Variants in DOCK1 observed in about 807,000 individuals in gnomAD.
DOCK1 encodes the protein dedicator of cytokinesis 1, also known as dedicator of cytokinesis protein 1.
In DOCK1, 138 loss-of-function variants were observed where a neutral mutation model predicts 262.7. That is an observed-to-expected ratio of 0.53 (90% CI 0.46 to 0.61). DOCK1 has a LOEUF of 0.61. DOCK1 is among the 20% of genes least tolerant of loss of function. The pLI, the probability that DOCK1 is intolerant of heterozygous loss-of-function variation, is 0.00. For synonymous variants in DOCK1, 866 were observed against 867.4 expected (o/e 1.00, Z 0.03); for missense variants, 1,908 against 2,370.7 (o/e 0.80, Z 4.05).
intron 25 of DOCK1, among the ~76,000 whole-genome samples, chr10:127,119,608 T>G (rs181824187): frequency 6.6e-6 from 1 of 152,350 alleles, no homozygotes; most frequent in African/African-American, 2.4e-5. Context: ...CTATACAAGA[T>G]GAATAGCAAA....
chr10:127,293,840 T>G (rs184211098), intron 29 of DOCK1, among the ~76,000 whole-genome samples: 4 of 152,330 alleles, frequency 2.6e-5, no homozygotes, highest in African/African-American at 7.2e-5. Flanking sequence ...AGACTCTTCA[T>G]TGTAAAAAGC....
At chr10:127,316,521 G>A (rs1297353085) in intron 29 of DOCK1, among the ~76,000 whole-genome samples, 2 of 152,058 alleles carry the variant, frequency 1.3e-5, no homozygotes, top group African/African-American at 2.4e-5. Context: ...ATTCTGAATC[G>A]ACTACTAAAA....
chr10:127,193,321 A>G (rs2056880055), intron 27 of DOCK1, among the ~76,000 whole-genome samples: 1 of 152,190 alleles, frequency 6.6e-6, no homozygotes. Flanking sequence ...TCAAGTATGT[A>G]GAATTTGCCT....
chr10:127,307,194 T>C (rs1409879735), intron 29 of DOCK1, among the ~76,000 whole-genome samples: 16 of 152,240 alleles, frequency 1.1e-4, no homozygotes, highest in Admixed American at 1.0e-3. Context: ...GTCTTCTGTG[T>C]TGACAGCTGT....
intron 27 of DOCK1, among the ~76,000 whole-genome samples, chr10:127,190,125 C>G (rs891835813): frequency 3.9e-5 from 6 of 152,190 alleles, no homozygotes; most frequent in African/African-American, 1.2e-4. Context: ...TTCTTTTACC[C>G]TAATACTAGG....
At chr10:127,109,147 A>G (rs2048717953) in intron 24 of DOCK1, among the ~76,000 whole-genome samples, 1 of 152,094 alleles carries the variant, frequency 6.6e-6, no homozygotes, top group South Asian at 2.1e-4. Flanking sequence ...GATTTTATCT[A>G]CTCGTCCCCC....
At chr10:127,280,887 A>G (rs117398912) in intron 29 of DOCK1, among the ~76,000 whole-genome samples, 1,613 of 152,324 alleles carry the variant, frequency 0.011, 43 homozygotes, top group Non-Finnish European at 0.011. Flanking sequence ...CATTGGTAAA[A>G]TAGTGCAAAG....
chr10:127,284,442 GTAT>G (rs2061075334), intron 29 of DOCK1, among the ~76,000 whole-genome samples: 1 of 151,920 alleles, frequency 6.6e-6, no homozygotes, highest in African/African-American at 2.4e-5. Flanking sequence ...TTAATGCTTT[GTAT>G]TAAATGCATG....
intron 31 of DOCK1, among the ~76,000 whole-genome samples, chr10:127,353,831 T>C (rs937177764): frequency 6.6e-6 from 1 of 152,078 alleles, no homozygotes; most frequent in African/African-American, 2.4e-5. Context: ...CTGGCCGCGG[T>C]TGTTGATTTA....
chr10:127,368,188 C>T (rs779633165), intron 33 of DOCK1, among the ~76,000 whole-genome samples: 15 of 152,200 alleles, frequency 9.9e-5, no homozygotes, highest in Non-Finnish European at 1.9e-4. Flanking sequence ...CACCACCTCC[C>T]CAGAGCCAGC....
chr10:127,342,201 T>C (rs1041226528), intron 30 of DOCK1, among the ~76,000 whole-genome samples: 1 of 152,164 alleles, frequency 6.6e-6, no homozygotes, highest in Non-Finnish European at 1.5e-5. Flanking sequence ...CCCCTGACCA[T>C]GATTCTCAGA....
intron 38 of DOCK1, among the ~76,000 whole-genome samples, chr10:127,391,512 G>A (rs1033978366): frequency 6.6e-6 from 1 of 152,162 alleles, no homozygotes; most frequent in African/African-American, 2.4e-5. Flanking sequence ...TTTCATTTGT[G>A]CTTTGGATAA....
Position 126,956,367 on chromosome 10 carries a change from A to G in DOCK1, c.47-14335A>G, listed in dbSNP as rs1047310989. Among the ~76,000 whole-genome samples, 688 of 152,288 alleles carry G rather than the reference A, an allele frequency of 4.5e-3. 9 individuals carry two copies. Among genetic ancestry groups the G allele is most frequent in the African/African-American group, 0.015 (642 of 41,576 alleles). ...GAGTGACTTCGTACCTTCTTGTGCT[A>G]AGGCCTACAGCCTACGAGCATCTAC... On this transcript the variant is annotated intron_variant, in intron 1 of 51. Coordinates refer to ENST00000623213, the MANE Select transcript of DOCK1 (RefSeq NM_001290223.2).
intron 29 of DOCK1, among the ~76,000 whole-genome samples, chr10:127,265,974 C>T (rs1208166809): frequency 1.3e-5 from 2 of 152,170 alleles, no homozygotes; most frequent in Non-Finnish European, 2.9e-5. Flanking sequence ...GAATTTGAGT[C>T]GTTGACCACA....
chr10:126,947,101 G>C lies in DOCK1; in HGVS notation c.47-23601G>C, dbSNP rs1338140192. 2.6e-5 allele frequency among the ~76,000 whole-genome samples: 4 copies of C among 152,210 alleles called. No homozygotes were observed. In the East Asian group the frequency reaches 7.7e-4, roughly 29 times the overall value. ...CCTCCTGCTCTTTGCCTCAGTCTTT[G>C]CGTGCAGAAATGGGATTGCTGTTAG... On this transcript the variant is annotated intron_variant, in intron 1 of 51. Coordinates refer to ENST00000623213, the MANE Select transcript of DOCK1 (RefSeq NM_001290223.2).
At chr10:127,333,427 G>A (rs1317557584) in intron 29 of DOCK1, among the ~76,000 whole-genome samples, 1 of 152,168 alleles carries the variant, frequency 6.6e-6, no homozygotes, top group African/African-American at 2.4e-5. Flanking sequence ...TCATAAGCAA[G>A]GGCCTATAAT....
chr10:127,026,306 G>C (rs2042858097), intron 15 of DOCK1, 46 bp from the exon 16 acceptor site: 1 of 1,511,634 alleles, frequency 6.6e-7, no homozygotes, highest in African/African-American at 1.4e-5. Context: ...TGTTACGCTG[G>C]ATGATATTGA....
intron 29 of DOCK1, among the ~76,000 whole-genome samples, chr10:127,299,503 G>A (rs1051466281): frequency 2.0e-5 from 3 of 152,210 alleles, no homozygotes; most frequent in African/African-American, 4.8e-5. Flanking sequence ...GTGGATCAGA[G>A]TGAAACATCT....
chr10:127,037,486 T>C (rs1266196883), intron 18 of DOCK1, among the ~76,000 whole-genome samples: 1 of 152,206 alleles, frequency 6.6e-6, no homozygotes, highest in Non-Finnish European at 1.5e-5. Context: ...TTTTAAAGCT[T>C]CTACATGGAA....
Sources: allele counts gnomAD v4.1 joint callset (sites outside exome capture counted in the v4.1 genomes callset), GRCh38; gene constraint gnomAD v4.1.1; transcripts MANE v1.5; gene names NCBI Gene and HGNC (gene_info 2026-07-23, HGNC 2026-07-21).